Variants in ADARB1 observed in about 807,000 individuals in gnomAD.
ADARB1 encodes the protein double-stranded RNA-specific editase 1.
In ADARB1, 10 loss-of-function variants were observed where a neutral mutation model predicts 52.4. The observed-to-expected ratio is 0.19, with a 90% CI of 0.12 to 0.32. The LOEUF is 0.32. Among genes scored for constraint, ADARB1 ranks in the 10% least tolerant of loss-of-function variants. The pLI is 1.00. For synonymous variants in ADARB1, 349 were observed against 371.1 expected (o/e 0.94, Z 0.68); for missense variants, 643 against 922.3 (o/e 0.70, Z 3.92).
At chr21:45,087,131 C>T (rs569873055) in intron 1 of ADARB1, among the ~76,000 whole-genome samples, 5 of 152,292 alleles carry the variant, frequency 3.3e-5, no homozygotes, top group Admixed American at 1.3e-4. Flanking sequence ...CGGTGAAGTA[C>T]GGTTGGGCAT....
At chr21:45,140,227 C>T (rs752791476) in intron 2 of ADARB1, among the ~76,000 whole-genome samples, 2 of 152,106 alleles carry the variant, frequency 1.3e-5, no homozygotes, top group Non-Finnish European at 2.9e-5. Context: ...CTAAAGTGTG[C>T]ACTCTAATAT....
chr21:45,202,251 T>C (rs1287053093), intron 8 of ADARB1, among the ~76,000 whole-genome samples: 1 of 152,136 alleles, frequency 6.6e-6, no homozygotes, highest in Admixed American at 6.5e-5. Context: ...AGTCAGGTCC[T>C]ATATCTCTTC....
At chr21:45,080,436 C>T (rs1325588077) in intron 1 of ADARB1, among the ~76,000 whole-genome samples, 3 of 152,076 alleles carry the variant, frequency 2.0e-5, no homozygotes. Flanking sequence ...GGCGGGACTT[C>T]AGGAGGGAGG....
chr21:45,181,008 G>T (rs1370520447), intron 5 of ADARB1, among the ~76,000 whole-genome samples: 1 of 152,208 alleles, frequency 6.6e-6, no homozygotes, highest in African/African-American at 2.4e-5. Flanking sequence ...TCTGTGGGTA[G>T]CTCCTGGGAA....
intron 1 of ADARB1, among the ~76,000 whole-genome samples, chr21:45,121,957 A>G (rs1421495098): frequency 1.3e-5 from 2 of 152,238 alleles, no homozygotes; most frequent in African/African-American, 4.8e-5. Flanking sequence ...CTTAGGACTA[A>G]TAAAGCACTT....
chr21:45,161,216 G>A (rs2090947226), intron 2 of ADARB1, among the ~76,000 whole-genome samples: 1 of 152,196 alleles, frequency 6.6e-6, no homozygotes, highest in Non-Finnish European at 1.5e-5. Flanking sequence ...ACAGGTGGAA[G>A]CCCCACCCCC....
At chr21:45,197,380 G>C (rs1049846804) in intron 8 of ADARB1, among the ~76,000 whole-genome samples, 4 of 151,718 alleles carry the variant, frequency 2.6e-5, no homozygotes, top group African/African-American at 4.8e-5. Context: ...CACACCTGTA[G>C]TCCCAGCTAC....
chr21:45,086,692 G>A (rs1396350628), intron 1 of ADARB1, among the ~76,000 whole-genome samples: 1 of 152,190 alleles, frequency 6.6e-6, no homozygotes, highest in Non-Finnish European at 1.5e-5. Context: ...TTGGCGTAGC[G>A]TGTTCGTTTA....
intron 2 of ADARB1, among the ~76,000 whole-genome samples, chr21:45,147,117 G>A (rs770296607): frequency 6.6e-6 from 1 of 152,200 alleles, no homozygotes; most frequent in Admixed American, 6.5e-5. Flanking sequence ...TGAGCTTCTG[G>A]CTAGTCCTCA....
At chr21:45,210,992 C>T (rs536139096) in intron 9 of ADARB1, among the ~76,000 whole-genome samples, 69 of 152,352 alleles carry the variant, frequency 4.5e-4, no homozygotes, top group South Asian at 1.5e-3. Flanking sequence ...GTTCTAAAAC[C>T]CTGAGGTCTC....
chr21:45,185,211 C>T, intron 8 of ADARB1, 120 bp downstream of exon 8: 1 of 1,317,648 alleles, frequency 7.6e-7, no homozygotes, highest in Non-Finnish European at 1.0e-6. Flanking sequence ...TCAGGTGTTC[C>T]ACAGTATTCT....
Position 45,191,266 on chromosome 21 carries a change from A to G in ADARB1, c.1565+6175A>G, listed in dbSNP as rs150225388. On this transcript the variant is annotated intron_variant, in intron 8 of 10. Transcript: ENST00000348831. ...ACAGTCTGTAGATATTGACTGTTCT[A>G]TATCTTCTTTTGTTATACCAGTGTT... Among the ~76,000 whole-genome samples, 307 of 152,248 alleles carry G rather than the reference A, an allele frequency of 2.0e-3. 2 individuals carry two copies. The highest frequency in any genetic ancestry group is 7.1e-3 in the African/African-American group (297 of 41,560).
chr21:45,164,893 A>G (rs2091178491), intron 2 of ADARB1, among the ~76,000 whole-genome samples: 2 of 152,076 alleles, frequency 1.3e-5, no homozygotes, highest in Admixed American at 1.3e-4. Flanking sequence ...GTGTGGGGTG[A>G]GAGGGGAGAG....
intron 2 of ADARB1, among the ~76,000 whole-genome samples, chr21:45,144,430 G>A (rs1455420209): frequency 6.6e-6 from 1 of 152,202 alleles, no homozygotes; most frequent in African/African-American, 2.4e-5. Flanking sequence ...CAAAGACATG[G>A]CAGCTGAAGT....
At chr21:45,160,641 A>G (rs145648217) in intron 2 of ADARB1, among the ~76,000 whole-genome samples, 2 of 152,378 alleles carry the variant, frequency 1.3e-5, no homozygotes, top group East Asian at 3.9e-4. Flanking sequence ...TTCTTACTAA[A>G]AATCTTCCTG....
chr21:45,090,205 C>A (rs907519253), intron 1 of ADARB1, among the ~76,000 whole-genome samples: 2 of 152,172 alleles, frequency 1.3e-5, no homozygotes, highest in African/African-American at 4.8e-5. Flanking sequence ...GTTAATATAG[C>A]AAATTTCATT....
In ADARB1 at chr21:45,124,112, T is replaced by G. The variant is rs77078652; in HGVS notation, c.-219-4290T>G. Among the ~76,000 whole-genome samples, 29 of 152,346 alleles carry G rather than the reference T, an allele frequency of 1.9e-4. No homozygotes were observed. The East Asian group carries it at 2.3e-3, about 12-fold the overall frequency. On this transcript the variant is annotated intron_variant, in intron 1 of 10. Transcript: ENST00000348831. The stretch of plus-strand genomic sequence containing the variant: ...TTAAATCATGTTTGCATTCCCATCA[T>G]AAATTCATCTTAATCATGTTTGATC...
intron 2 of ADARB1, among the ~76,000 whole-genome samples, chr21:45,160,005 T>G (rs1474944691): frequency 6.6e-6 from 1 of 152,266 alleles, no homozygotes; most frequent in East Asian, 1.9e-4. Context: ...TTTATGAATT[T>G]TGCTCACATT....
At chr21:45,171,231 C>T (rs1000313100) in intron 2 of ADARB1, among the ~76,000 whole-genome samples, 2 of 152,212 alleles carry the variant, frequency 1.3e-5, no homozygotes, top group Non-Finnish European at 1.5e-5. Flanking sequence ...CCTAGTTCAG[C>T]GCTCTTCATG....
Sources: allele counts gnomAD v4.1 joint callset (sites outside exome capture counted in the v4.1 genomes callset), GRCh38; gene constraint gnomAD v4.1.1; transcripts MANE v1.5; gene names NCBI Gene and HGNC (gene_info 2026-07-23, HGNC 2026-07-21).